Variants in SAMD12 observed in about 807,000 individuals in gnomAD.
The protein encoded by SAMD12 is sterile alpha motif domain containing 12, also known as sterile alpha motif domain-containing protein 12.
In SAMD12, 9 loss-of-function variants were observed where a neutral mutation model predicts 15.0. The observed-to-expected ratio is 0.60, with a 90% CI of 0.36 to 1.05. The LOEUF (loss-of-function observed/expected upper bound fraction) is 1.05. SAMD12 is among the 50% of genes least tolerant of loss of function. SAMD12 has a pLI of 0.01. For synonymous variants in SAMD12, 86 were observed against 90.1 expected (o/e 0.96, Z 0.25); for missense variants, 230 against 234.2 (o/e 0.98, Z 0.12).
In SAMD12 at chr8:118,379,215, G is replaced by T; in HGVS notation, c.*202C>A. 1 of 1,399,360 alleles carries T rather than the reference G, an allele frequency of 7.1e-7. No individual in the cohort carries two copies. Among genetic ancestry groups the T allele is most frequent in the Non-Finnish European group, 9.3e-7 (1 of 1,078,580 alleles). 86.7% of individuals were successfully genotyped at this position (1,399,360 alleles called of 1,614,324 possible). On this transcript the variant is annotated 3_prime_UTR_variant, in exon 4 of 4. Transcript: ENST00000314727. Reference sequence around the variant, plus strand: ...GCTGGACTGTACAGTTGTGCAGGCTGCACATTATACAACTCTAGTGAGTGC... The same window carrying T: ...GCTGGACTGTACAGTTGTGCAGGCTTCACATTATACAACTCTAGTGAGTGC...
downstream of SAMD12, among the ~76,000 whole-genome samples, chr8:118,375,245 C>T (rs548811039): frequency 5.3e-5 from 8 of 152,186 alleles, no homozygotes; most frequent in South Asian, 4.2e-4. Flanking sequence ...GGCAATAAAG[C>T]GTAATGGGTA....
intron 2 of SAMD12, among the ~76,000 whole-genome samples, chr8:118,443,720 G>T (rs1822823130): frequency 6.6e-6 from 1 of 152,126 alleles, no homozygotes; most frequent in Non-Finnish European, 1.5e-5. Flanking sequence ...CTTCTTTTGG[G>T]ATTCTCAGAG....
At chr8:118,465,922 TC>T (rs1823583022) in intron 2 of SAMD12, among the ~76,000 whole-genome samples, 1 of 152,154 alleles carries the variant, frequency 6.6e-6, no homozygotes, top group Non-Finnish European at 1.5e-5. Flanking sequence ...TAGTTGGTCA[TC>T]CTAGGTATAG....
At chr8:118,474,283 C>A (rs1449078558) in intron 2 of SAMD12, among the ~76,000 whole-genome samples, 1 of 151,972 alleles carries the variant, frequency 6.6e-6, no homozygotes. Flanking sequence ...TATTCAAAGC[C>A]CAACATAATT....
At chr8:118,408,075 T>C (rs2130805253) in intron 3 of SAMD12, among the ~76,000 whole-genome samples, 1 of 152,220 alleles carries the variant, frequency 6.6e-6, no homozygotes, top group East Asian at 1.9e-4. Context: ...ACACTCAAGT[T>C]CCCTGTACCT....
intron 2 of SAMD12, among the ~76,000 whole-genome samples, chr8:118,451,993 G>A (rs1586728710): frequency 2.0e-5 from 3 of 152,222 alleles, no homozygotes; most frequent in South Asian, 4.2e-4. Context: ...GGCCTTTAGG[G>A]AAGTAATTAA....
intron 4 of SAMD12, among the ~76,000 whole-genome samples, chr8:118,200,643 T>C (rs1043210839): frequency 2.0e-5 from 3 of 152,068 alleles, no homozygotes; most frequent in East Asian, 3.9e-4. Flanking sequence ...AATCTTTCCA[T>C]GGTAGTCAGT....
the SAMD12 span, among the ~76,000 whole-genome samples, chr8:118,137,227 G>C: frequency 1.3e-5 from 2 of 152,188 alleles, no homozygotes; most frequent in African/African-American, 4.8e-5. Context: ...ATTGTGGAAA[G>C]CAACCAATAA....
At chr8:118,327,523 A>G (rs1816622278) in intron 4 of SAMD12, among the ~76,000 whole-genome samples, 1 of 152,200 alleles carries the variant, frequency 6.6e-6, no homozygotes, top group Non-Finnish European at 1.5e-5. Flanking sequence ...CTCCCAGTAT[A>G]TGGAAGAACA....
intron 2 of SAMD12, among the ~76,000 whole-genome samples, chr8:118,495,241 C>G (rs955242328): frequency 2.6e-5 from 4 of 152,074 alleles, no homozygotes; most frequent in Admixed American, 1.3e-4. Context: ...GACATATGCC[C>G]CTGTCAAAAT....
At chr8:118,490,821 T>G (rs1358221767) in intron 2 of SAMD12, among the ~76,000 whole-genome samples, 2 of 152,168 alleles carry the variant, frequency 1.3e-5, no homozygotes, top group African/African-American at 2.4e-5. Context: ...CTGCATCCTC[T>G]TGGCCAGAGT....
At chr8:118,432,713 CTG>C (rs1345933137) in intron 3 of SAMD12, among the ~76,000 whole-genome samples, 1 of 152,116 alleles carries the variant, frequency 6.6e-6, no homozygotes, top group Non-Finnish European at 1.5e-5. Context: ...AGAAGGAAAA[CTG>C]GAATTATTCA....
At chr8:118,205,637 G>A (rs942013189) in intron 4 of SAMD12, among the ~76,000 whole-genome samples, 12 of 152,190 alleles carry the variant, frequency 7.9e-5, no homozygotes, top group Non-Finnish European at 1.3e-4. Context: ...ATTTTTAGAC[G>A]AATACCTAGA....
At chr8:118,556,523 T>C (rs12548725) in intron 2 of SAMD12, among the ~76,000 whole-genome samples, 66,662 of 152,098 alleles carry the variant, frequency 0.44, 17,318 homozygotes, top group Admixed American at 0.62. Context: ...CAATAAGTAA[T>C]TTTGGGGCTC....
chr8:118,332,069 C>T (rs1816831413), intron 4 of SAMD12, among the ~76,000 whole-genome samples: 1 of 151,976 alleles, frequency 6.6e-6, no homozygotes, highest in Non-Finnish European at 1.5e-5. Context: ...AAACTCAGGC[C>T]ATATAGCAAA....
intron 1 of SAMD12, among the ~76,000 whole-genome samples, chr8:118,601,954 G>A (rs896150696): frequency 1.3e-5 from 2 of 152,156 alleles, no homozygotes; most frequent in Non-Finnish European, 2.9e-5. Context: ...AAGGTCTCTG[G>A]GAAGCAGTCA....
intron 1 of SAMD12, among the ~76,000 whole-genome samples, chr8:118,584,922 T>TATATAC (rs1554590578): frequency 1.1e-4 from 16 of 147,076 alleles, no homozygotes; most frequent in African/African-American, 2.5e-4. Context: ...CTTGTAGGTA[T>TATATAC]ACACACACAC....
At chr8:118,480,617 C>G (rs1824098827) in intron 2 of SAMD12, among the ~76,000 whole-genome samples, 1 of 152,108 alleles carries the variant, frequency 6.6e-6, no homozygotes, top group African/African-American at 2.4e-5. Flanking sequence ...TAACTGGTCC[C>G]CCTTCACTGA....
At chr8:118,621,520 T>C in intron 1 of SAMD12, 2 of 488,160 alleles carry the variant, frequency 4.1e-6, no homozygotes, top group Admixed American at 3.4e-5. Flanking sequence ...CCTCCGGCTT[T>C]CCCCCCATTT....
Sources: allele counts gnomAD v4.1 joint callset (sites outside exome capture counted in the v4.1 genomes callset), GRCh38; gene constraint gnomAD v4.1.1; transcripts MANE v1.5; gene names NCBI Gene and HGNC (gene_info 2026-07-23, HGNC 2026-07-21).